RPUSD3: variants seen among roughly 807,000 people sequenced by gnomAD.
RPUSD3 encodes the protein mitochondrial mRNA pseudouridine synthase RPUSD3.
In RPUSD3, 36 loss-of-function variants were observed where a neutral mutation model predicts 35.1. That is an observed-to-expected ratio of 1.02 (90% CI 0.79 to 1.35). RPUSD3 has a LOEUF of 1.35. RPUSD3 is among the 40% of genes most tolerant of loss of function. The pLI, the probability that RPUSD3 is intolerant of heterozygous loss-of-function variation, is 0.00. For missense variants in RPUSD3, 486 were observed against 441.9 expected (o/e 1.10, Z -0.89); for synonymous variants, 202 against 187.8 (o/e 1.08, Z -0.62).
At chr3:9,839,617 TC>T (rs1399468128) in intron 7 of RPUSD3, 1 of 154,926 alleles carries the variant, frequency 6.5e-6, no homozygotes, top group Non-Finnish European at 1.4e-5. Flanking sequence ...TCACTCTGTC[TC>T]CCAGGCTGGA....
chr3:9,843,859 G>A, intron 1 of RPUSD3, 31 bp downstream of exon 1: 3 of 1,583,056 alleles, frequency 1.9e-6, no homozygotes, highest in Non-Finnish European at 2.6e-6. Flanking sequence ...CCTAGCCTCC[G>A]TCCCGCATGA....
intron 4 of RPUSD3, 41 bp downstream of exon 4, chr3:9,841,942 G>A (rs1393503890): frequency 6.5e-7 from 1 of 1,531,528 alleles, no homozygotes; most frequent in East Asian, 2.2e-5. Flanking sequence ...ACCACAGATG[G>A]ATGCCTGTAC....
exon 4 of RPUSD3, chr3:9,841,991 T>C (rs2082110907): frequency 6.2e-7 from 1 of 1,614,032 alleles, no homozygotes; most frequent in Non-Finnish European, 8.5e-7. Flanking sequence ...ACTTCCCAGA[T>C]GCTCGGACAA....
chr3:9,838,886 C>A, intron 8 of RPUSD3, 146 bp downstream of exon 8: 4 of 1,029,268 alleles, frequency 3.9e-6, no homozygotes, highest in Non-Finnish European at 5.7e-6. Context: ...GGCCACACAC[C>A]AAGATGTGGG....
chr3:9,840,406 A>G, intron 6 of RPUSD3, 99 bp from the exon 7 acceptor site: 2 of 1,609,574 alleles, frequency 1.2e-6, no homozygotes, highest in South Asian at 1.1e-5. Context: ...GCCACAGTAT[A>G]GGCAGTGGTC....
chr3:9,839,917 A>G (rs932596205), intron 7 of RPUSD3: 10 of 282,542 alleles, frequency 3.5e-5, no homozygotes, highest in African/African-American at 1.5e-4. Flanking sequence ...AGTCTCCTCT[A>G]TCACCTAGAC....
intron 2 of RPUSD3, chr3:9,842,907 T>A (rs2082123415): frequency 6.5e-6 from 1 of 154,730 alleles, no homozygotes; most frequent in Non-Finnish European, 1.4e-5. Flanking sequence ...TATTTATTTA[T>A]TTAGACTGAG....
exon 1 of RPUSD3, chr3:9,843,898 G>C (rs1167571165): frequency 7.5e-6 from 12 of 1,604,318 alleles, no homozygotes; most frequent in East Asian, 6.7e-5. Context: ...ACCGGGCTTC[G>C]GTGCCAAAGC....
At chr3:9,839,001 C>G in intron 8 of RPUSD3, 31 bp downstream of exon 8, 1 of 1,613,854 alleles carries the variant, frequency 6.2e-7, no homozygotes, top group Non-Finnish European at 8.5e-7. Flanking sequence ...CTCCACCCCT[C>G]AGAAAGCAGC....
chr3:9,840,391 G>A (rs781639787), intron 6 of RPUSD3, 84 bp from the exon 7 acceptor site: 8 of 1,612,106 alleles, frequency 5.0e-6, no homozygotes, highest in Middle Eastern at 1.7e-4. Flanking sequence ...TAGACTCCGG[G>A]CAGGGCCACA....
At chr3:9,840,122 C>T (rs773306931) in intron 7 of RPUSD3, 62 bp downstream of exon 7, 3 of 1,573,798 alleles carry the variant, frequency 1.9e-6, no homozygotes, top group East Asian at 4.5e-5. Context: ...CCTCGTGATC[C>T]ACCTGCCTCA....
chr3:9,843,975 C>T (rs1462400135), exon 1 of RPUSD3: 1 of 1,604,482 alleles, frequency 6.2e-7, no homozygotes, highest in Admixed American at 1.7e-5. Flanking sequence ...CGGCCCAAAA[C>T]ACGGCGGCCG....
chr3:9,839,503 C>G (rs1368488502), intron 7 of RPUSD3: 7 of 191,044 alleles, frequency 3.7e-5, no homozygotes, highest in Non-Finnish European at 7.5e-5. Flanking sequence ...ACATACACCT[C>G]TGGGGGCCAT....
At chr3:9,838,078 G>A in exon 9 of RPUSD3, 1 of 1,611,202 alleles carries the variant, frequency 6.2e-7, no homozygotes, top group Non-Finnish European at 8.5e-7. Context: ...AGTGGTGCCA[G>A]GAGCTCAACA....
rs376173774 is a variant in RPUSD3, at chr3:9,838,128, T to C, written c.944A>G (p.His315Arg). The stretch of plus-strand genomic sequence containing the variant: ...CCTGGTGCCTGGGAGAAGGAGCCGA[T>C]GTAGGTGGAGGTGCAAGGGCAGCTG... The change falls in exon 9 of 9, where the codon CAT (histidine) becomes CGT (arginine). Residue 315 changes from histidine (H) to arginine (R), a missense_variant. Physicochemically the swap from His to Arg is conservative, Grantham distance 29 (BLOSUM62 0). Transcript: ENST00000383820. The C allele has an allele frequency of 1.2e-5, 19 of 1,612,342 alleles. No homozygotes were observed. Among genetic ancestry groups the C allele is most frequent in the Middle Eastern group, 2.1e-4 (1 of 4,860 alleles).
intron 1 of RPUSD3, 118 bp from the exon 2 acceptor site, chr3:9,843,719 G>A: frequency 1.9e-6 from 3 of 1,545,076 alleles, no homozygotes; most frequent in South Asian, 1.2e-5. Flanking sequence ...CAATGTCTGG[G>A]CTGACCTCGA....
intron 6 of RPUSD3, 21 bp from the exon 7 acceptor site, chr3:9,840,328 G>A (rs952293947): frequency 1.2e-6 from 2 of 1,613,976 alleles, no homozygotes; most frequent in Admixed American, 1.7e-5. Flanking sequence ...AGCCAAGAGT[G>A]AACAAGCCTT....
At chr3:9,838,877 G>T in intron 8 of RPUSD3, 155 bp downstream of exon 8, 1 of 915,466 alleles carries the variant, frequency 1.1e-6, no homozygotes, top group Non-Finnish European at 1.6e-6. Flanking sequence ...CTTGCCCAAG[G>T]CCACACACCA....
At chr3:9,839,139 G>C (rs1183463644) in exon 8 of RPUSD3, 2 of 1,613,882 alleles carry the variant, frequency 1.2e-6, no homozygotes, top group Non-Finnish European at 1.7e-6. Flanking sequence ...CAGAGCTGTA[G>C]TACCATGTGC....
Sources: allele counts gnomAD v4.1 joint callset, GRCh38; gene constraint gnomAD v4.1.1; transcripts MANE v1.5; gene names NCBI Gene and HGNC (gene_info 2026-07-23, HGNC 2026-07-21).